ZNF728: variants seen among roughly 807,000 people sequenced by gnomAD.
ZNF728 encodes the protein zinc finger protein 728.
In ZNF728, 12 loss-of-function variants were observed where a neutral mutation model predicts 12.5. The observed-to-expected ratio is 0.96, with a 90% CI of 0.61 to 1.55. The LOEUF is 1.55. Ranked by LOEUF, ZNF728 falls within the 40% of genes most tolerant of loss-of-function variation. The pLI, the probability that ZNF728 is intolerant of heterozygous loss-of-function variation, is 0.00. For missense variants in ZNF728, 692 were observed against 719.2 expected (o/e 0.96, Z 0.43); for synonymous variants, 205 against 240.7 (o/e 0.85, Z 1.37).
rs1968792893 is a variant in ZNF728, at chr19:22,976,017, A to G, written c.1320T>C (p.Thr440=). 4 of 1,590,100 alleles carry G rather than the reference A, an allele frequency of 2.5e-6. No individual in the cohort carries two copies. In the African/African-American group the frequency reaches 5.4e-5, roughly 21 times the overall value. ...GKAFTTFSSL[T]KHKVIHTGEK... is the part of the protein sequence containing the mutation. Reference sequence around the variant, plus strand: ...CTCCAGTATGAATTACTTTATGTTTAGTAAGGCTCGAAAATGTAGTAAAGG... The same window carrying G: ...CTCCAGTATGAATTACTTTATGTTTGGTAAGGCTCGAAAATGTAGTAAAGG... The change falls in exon 4 of 4, where the codon ACT becomes ACC. Residue 440 remains threonine, a synonymous_variant. Coordinates refer to ENST00000594710, the MANE Select transcript of ZNF728 (RefSeq NM_001267716.2).
intron 1 of ZNF728, among the ~76,000 whole-genome samples, chr19:22,989,707 T>C (rs1009948833): frequency 1.3e-5 from 2 of 152,218 alleles, no homozygotes; most frequent in African/African-American, 4.8e-5. Context: ...AAGTTCAAGA[T>C]ACAGATATCT....
intron 1 of ZNF728, among the ~76,000 whole-genome samples, chr19:22,997,264 T>C (rs889175648): frequency 6.6e-6 from 1 of 152,012 alleles, no homozygotes; most frequent in East Asian, 1.9e-4. Context: ...AATAAAACAA[T>C]TCTCAGCAAA....
chr19:22,980,004 TAAC>T (rs1409767482), intron 3 of ZNF728, among the ~76,000 whole-genome samples: 2 of 151,976 alleles, frequency 1.3e-5, no homozygotes, highest in African/African-American at 4.8e-5. Flanking sequence ...AATTCACACA[TAAC>T]AACATTAACC....
At position 23,003,173 on chromosome 19, in the gene ZNF728, C is replaced by T; in HGVS notation, c.-143G>A. On this transcript the variant is annotated 5_prime_UTR_variant, in exon 1 of 4. Coordinates refer to ENST00000594710, the MANE Select transcript of ZNF728 (RefSeq NM_001267716.2). ...CTTGACCTCCGCGTGCAGCGAGAGC[C>T]AACGGTCCTACCACATCCCGGAAGC... 2 of 1,006,534 alleles carry T rather than the reference C, an allele frequency of 2.0e-6. No individual in the cohort carries two copies. Among genetic ancestry groups the T allele is most frequent in the South Asian group, 1.9e-5 (1 of 53,862 alleles). 62.4% of individuals were successfully genotyped at this position (1,006,534 alleles called of 1,614,324 possible).
In ZNF728 at chr19:22,976,283, A is replaced by T. The variant is rs1191902899; in HGVS notation, c.1054T>A (p.Phe352Ile). Residue 352 changes from phenylalanine (F) to isoleucine (I), a missense_variant, in exon 4 of 4, where the codon TTC (phenylalanine) becomes ATC (isoleucine). Physicochemically the swap from Phe to Ile is conservative, Grantham distance 21. This residue lies in a region of ZNF728 where 440 missense variants were observed against 459.6 expected (regional missense o/e 0.96). Transcript: ENST00000594710. ...ACCTTATGTTTAGTAAGGGTTGAGA[A>T]GTTACCAAAGGCTTTGCCACATTCT... is the stretch of plus-strand genomic sequence containing the variant. ...CEECGKAFGN[F>I]STLTKHKVIH... The T allele has an allele frequency of 6.2e-7, 1 of 1,612,506 alleles. No homozygotes were observed. The highest frequency in any genetic ancestry group is 8.5e-7 in the Non-Finnish European group (1 of 1,179,736).
At chr19:22,987,455 C>A in intron 2 of ZNF728, 52 bp from the exon 3 acceptor site, 1 of 1,521,172 alleles carries the variant, frequency 6.6e-7, no homozygotes, top group Non-Finnish European at 8.9e-7. Context: ...CTCCAATTAA[C>A]AACTTAGTAA....
At chr19:23,001,089 T>C (rs535849276) in intron 1 of ZNF728, among the ~76,000 whole-genome samples, 7 of 152,292 alleles carry the variant, frequency 4.6e-5, no homozygotes, top group African/African-American at 1.4e-4. Flanking sequence ...AGGTATATTT[T>C]ACTTTGCAAG....
chr19:22,989,410 T>C lies in ZNF728; in HGVS notation c.4-959A>G, dbSNP rs576714324. Reference sequence around the variant, plus strand: ...TCTTCATTTCCCAAAAACAGACAAATGCAAAGGAAACCTAAGAAAGAAGGG... The same window carrying C: ...TCTTCATTTCCCAAAAACAGACAAACGCAAAGGAAACCTAAGAAAGAAGGG... On this transcript the variant is annotated intron_variant, in intron 1 of 3. Coordinates refer to ENST00000594710, the MANE Select transcript of ZNF728 (RefSeq NM_001267716.2). Among the ~76,000 whole-genome samples the C allele has an allele frequency of 2.0e-5, 3 of 152,260 alleles. 1 individual carries two copies. The highest frequency in any genetic ancestry group is 2.1e-4 in the South Asian group (1 of 4,820).
intron 1 of ZNF728, among the ~76,000 whole-genome samples, chr19:22,993,017 A>T (rs759595594): frequency 1.3e-5 from 2 of 152,218 alleles, no homozygotes; most frequent in African/African-American, 4.8e-5. Flanking sequence ...GTAGAAGGAC[A>T]AGAATACTTT....
intron 1 of ZNF728, 81 bp downstream of exon 1, chr19:23,002,947 C>T: frequency 1.3e-6 from 2 of 1,563,564 alleles, no homozygotes; most frequent in Non-Finnish European, 1.7e-6. Flanking sequence ...GAGAGGAGGC[C>T]TGAGTCCCGC....
intron 3 of ZNF728, among the ~76,000 whole-genome samples, chr19:22,981,772 T>A (rs537401659): frequency 1.3e-5 from 2 of 152,152 alleles, no homozygotes; most frequent in African/African-American, 4.8e-5. Flanking sequence ...GAACCAATGA[T>A]AAAAACCACA....
chr19:22,991,753 G>A (rs1347414009), intron 1 of ZNF728, among the ~76,000 whole-genome samples: 2 of 152,308 alleles, frequency 1.3e-5, no homozygotes, highest in East Asian at 1.9e-4. Context: ...GGTAGAGCCA[G>A]ACATAAATAA....
At chr19:22,985,015 A>G (rs1048791108) in intron 3 of ZNF728, among the ~76,000 whole-genome samples, 9 of 152,306 alleles carry the variant, frequency 5.9e-5, no homozygotes, top group African/African-American at 1.4e-4. Context: ...TTACATAGCA[A>G]TAATTATTAC....
intron 1 of ZNF728, 96 bp downstream of exon 1, chr19:23,002,932 T>A: frequency 6.7e-7 from 1 of 1,497,706 alleles, no homozygotes; most frequent in Non-Finnish European, 9.2e-7. Context: ...ATTGTGGAGC[T>A]GACTGAGAGG....
chr19:22,994,653 A>G (rs1369353956), intron 1 of ZNF728, among the ~76,000 whole-genome samples: 6 of 152,196 alleles, frequency 3.9e-5, no homozygotes, highest in Non-Finnish European at 8.8e-5. Flanking sequence ...TCAATGACAA[A>G]ATAAACTTTT....
chr19:22,995,886 A>G (rs1196447158), intron 1 of ZNF728: 1 of 152,220 alleles, frequency 6.6e-6, no homozygotes, highest in African/African-American at 2.4e-5. Context: ...ATAGTAGAAT[A>G]TATTAGAGCT....
At chr19:22,992,488 C>A (rs556950748) in intron 1 of ZNF728, among the ~76,000 whole-genome samples, 1 of 152,096 alleles carries the variant, frequency 6.6e-6, no homozygotes, top group African/African-American at 2.4e-5. Context: ...GGTGATCCAC[C>A]CACCTTGGCT....
At position 22,976,935 on chromosome 19, in the gene ZNF728, G is replaced by T. The variant is rs1445581523; in HGVS notation, c.402C>A (p.Asn134Lys). ...KVHKKGYNKL[N>K]QSLTTTQSKV... ...TGCTTTGTGTAGTTGTCAAACTCTG[G>T]TTAAGCTTATTATAACCTTTTTTGT... is the stretch of plus-strand genomic sequence containing the variant. Residue 134 changes from asparagine to lysine, a missense_variant, in exon 4 of 4, where the codon AAC becomes AAA. By Grantham distance (94) the Asn-to-Lys change is moderately conservative. Coordinates refer to ENST00000594710, the MANE Select transcript of ZNF728 (RefSeq NM_001267716.2). The T allele has an allele frequency of 1.2e-6, 2 of 1,613,440 alleles. No individual in the cohort carries two copies. Among genetic ancestry groups the T allele is most frequent in the Admixed American group, 1.7e-5 (1 of 59,942 alleles).
rs749742703 is a variant in ZNF728 at position 22,975,757 on chromosome 19, TTA to T, written c.1578_1579del (p.His526GlnfsTer13). 5.0e-6 allele frequency: 8 copies of T among 1,611,960 alleles called. No individual in the cohort carries two copies. The East Asian group carries it at 1.6e-4, about 31-fold the overall frequency. On this transcript the variant is annotated frameshift_variant, in exon 4 of 4. Transcript: ENST00000594710. LOFTEE classifies it low-confidence loss of function (END_TRUNC). ...TTGTTTCTCTCCAGTATGAATTACCTTATGTTTAGTAAGGTTTGCAACCTTAC... is the reference window on the plus strand; with the variant it reads ...TTGTTTCTCTCCAGTATGAATTACCTTGTTTAGTAAGGTTTGCAACCTTAC...
Sources: gnomAD v4.1 joint callset for allele counts (sites outside exome capture counted in the v4.1 genomes callset) on GRCh38, gnomAD v4.1.1 for gene constraint, gnomAD v4.1.1 regional missense constraint, MANE v1.5 for transcripts, NCBI Gene and HGNC (gene_info 2026-07-23, HGNC 2026-07-21) for gene names.